LMBR1: variants seen among roughly 807,000 people sequenced by gnomAD.
LMBR1 encodes the protein limb region 1 protein homolog.
Under a neutral mutation model 73.9 loss-of-function variants are expected in LMBR1, and 52 were observed. The observed-to-expected ratio is 0.70, with a 90% CI of 0.56 to 0.89. LMBR1 has a LOEUF of 0.89. Among genes scored for constraint, LMBR1 ranks in the 40% least tolerant of loss-of-function variants. The pLI is 0.00. For synonymous variants in LMBR1, 215 were observed against 209.4 expected (o/e 1.03, Z -0.23); for missense variants, 539 against 579.8 (o/e 0.93, Z 0.72).
At chr7:156,770,093 A>C (rs1447579091) in intron 5 of LMBR1, among the ~76,000 whole-genome samples, 1 of 152,222 alleles carries the variant, frequency 6.6e-6, no homozygotes, top group Non-Finnish European at 1.5e-5. Flanking sequence ...GACTTAATAA[A>C]CCTAAAGTAA....
At chr7:156,734,030 T>C (rs944818078) in intron 10 of LMBR1, 147 bp downstream of exon 10, 2 of 507,448 alleles carry the variant, frequency 3.9e-6, no homozygotes, top group Non-Finnish European at 7.1e-6. Context: ...CTCCCCAAAC[T>C]GTAAGATAGT....
intron 5 of LMBR1, among the ~76,000 whole-genome samples, chr7:156,795,345 G>C (rs1242885341): frequency 6.6e-6 from 1 of 152,090 alleles, no homozygotes; most frequent in Non-Finnish European, 1.5e-5. Context: ...CCCACTGTCC[G>C]ACCCTTGAAG....
intron 6 of LMBR1, 55 bp from the exon 7 acceptor site, chr7:156,763,231 T>C: frequency 2.8e-6 from 2 of 724,964 alleles, no homozygotes; most frequent in Non-Finnish European, 4.5e-6. Flanking sequence ...CACATTAAGA[T>C]AGTCAGTCTA....
rs144476909 is a variant in LMBR1, at chr7:156,737,065, T to G, written c.758-2808A>C. Among the ~76,000 whole-genome samples, 43 of 152,308 alleles carry G rather than the reference T, an allele frequency of 2.8e-4. 1 individual carries two copies. The South Asian group carries it at 8.7e-3, about 31-fold the overall frequency. On this transcript the variant is annotated intron_variant, in intron 9 of 16. Transcript: ENST00000353442. Reference sequence around the variant, plus strand: ...CTCCTGTGGAGCATCTCTTGTTTCCTACGCAGCCCGTATCTTTTCTTGATT... The same window carrying G: ...CTCCTGTGGAGCATCTCTTGTTTCCGACGCAGCCCGTATCTTTTCTTGATT...
At chr7:156,735,218 T>A (rs934706675) in intron 9 of LMBR1, among the ~76,000 whole-genome samples, 11 of 152,336 alleles carry the variant, frequency 7.2e-5, no homozygotes, top group Admixed American at 5.2e-4. Flanking sequence ...TAACTTAAAC[T>A]ATTGTAATAA....
At chr7:156,889,363 TTA>T (rs60881914) in intron 1 of LMBR1, among the ~76,000 whole-genome samples, 69,566 of 151,814 alleles carry the variant, frequency 0.46, 16,116 homozygotes, top group East Asian at 0.61. Flanking sequence ...AAATTGCATG[TTA>T]TATATATATA....
At chr7:156,766,067 A>G (rs1426961375) in intron 5 of LMBR1, among the ~76,000 whole-genome samples, 1 of 152,100 alleles carries the variant, frequency 6.6e-6, no homozygotes, top group African/African-American at 2.4e-5. Flanking sequence ...GGTAAGAACT[A>G]TTTCTTAGTA....
At chr7:156,723,655 A>G (rs1417501572) in intron 15 of LMBR1, among the ~76,000 whole-genome samples, 1 of 152,158 alleles carries the variant, frequency 6.6e-6, no homozygotes, top group Non-Finnish European at 1.5e-5. Context: ...CCTTTGAATC[A>G]GAGTGTGTTC....
At chr7:156,858,667 A>G (rs949019534) in intron 1 of LMBR1, among the ~76,000 whole-genome samples, 13 of 152,232 alleles carry the variant, frequency 8.5e-5, no homozygotes, top group African/African-American at 3.1e-4. Flanking sequence ...CCTCAACAAA[A>G]TATCAGCAAA....
chr7:156,805,416 A>C (rs968418136), intron 4 of LMBR1, among the ~76,000 whole-genome samples: 14 of 152,058 alleles, frequency 9.2e-5, no homozygotes, highest in African/African-American at 3.4e-4. Context: ...GGGTTTCACC[A>C]TGTTGGTCAG....
intron 15 of LMBR1, among the ~76,000 whole-genome samples, chr7:156,704,726 A>G (rs1044962591): frequency 6.6e-6 from 1 of 151,566 alleles, no homozygotes; most frequent in Non-Finnish European, 1.5e-5. Context: ...GGATGTGAAT[A>G]AGAAGTTTAC....
At chr7:156,805,222 T>TC in intron 4 of LMBR1, among the ~76,000 whole-genome samples, 1 of 150,414 alleles carries the variant, frequency 6.6e-6, no homozygotes, top group East Asian at 1.9e-4. Flanking sequence ...GCACTTTTTT[T>TC]TTTTTTTTTT....
intron 4 of LMBR1, among the ~76,000 whole-genome samples, chr7:156,819,090 A>G (rs980760717): frequency 1.3e-5 from 2 of 152,200 alleles, no homozygotes; most frequent in Non-Finnish European, 2.9e-5. Context: ...TTTCTGTATC[A>G]CATTTTTCAA....
chr7:156,694,414 T>A (rs1054143225), intron 15 of LMBR1, among the ~76,000 whole-genome samples: 1 of 152,280 alleles, frequency 6.6e-6, no homozygotes, highest in East Asian at 1.9e-4. Context: ...ATTACATGCA[T>A]GAGCCACTGC....
At chr7:156,884,407 G>A (rs1228494169) in intron 1 of LMBR1, among the ~76,000 whole-genome samples, 1 of 151,942 alleles carries the variant, frequency 6.6e-6, no homozygotes, top group African/African-American at 2.4e-5. Flanking sequence ...AAAAAAACAT[G>A]AACATTGTCC....
chr7:156,738,884 T>C (rs1818385162), intron 9 of LMBR1, among the ~76,000 whole-genome samples: 1 of 152,130 alleles, frequency 6.6e-6, no homozygotes, highest in Non-Finnish European at 1.5e-5. Flanking sequence ...TCAGGTCTGA[T>C]GCAGCATATT....
chr7:156,771,769 T>A (rs1031776600), intron 5 of LMBR1, among the ~76,000 whole-genome samples: 5 of 152,092 alleles, frequency 3.3e-5, no homozygotes, highest in Admixed American at 3.3e-4. Context: ...AAAACCTGGC[T>A]AAGACACAAA....
intron 1 of LMBR1, among the ~76,000 whole-genome samples, chr7:156,868,022 G>A (rs1798716325): frequency 6.6e-6 from 1 of 151,966 alleles, no homozygotes; most frequent in African/African-American, 2.4e-5. Flanking sequence ...TAAGGATGGT[G>A]GAAAGAAAAT....
At chr7:156,847,116 A>G (rs1201862027) in intron 1 of LMBR1, among the ~76,000 whole-genome samples, 1 of 152,238 alleles carries the variant, frequency 6.6e-6, no homozygotes, top group Non-Finnish European at 1.5e-5. Context: ...AAGACAGCCC[A>G]GAAATATACC....
Sources: allele counts gnomAD v4.1 joint callset (sites outside exome capture counted in the v4.1 genomes callset), GRCh38; gene constraint gnomAD v4.1.1; transcripts MANE v1.5; gene names NCBI Gene and HGNC (gene_info 2026-07-23, HGNC 2026-07-21).